The following ZDHHC18 variants were observed in gnomAD, a reference collection of about 807,000 sequenced individuals.
ZDHHC18 encodes zDHHC palmitoyltransferase 18.
Under a neutral mutation model 37.5 loss-of-function variants are expected in ZDHHC18, and 23 were observed. The observed-to-expected ratio is 0.61, with a 90% CI of 0.44 to 0.87. The LOEUF is 0.87. Ranked by LOEUF, ZDHHC18 falls within the 40% of genes least tolerant of loss-of-function variation. ZDHHC18 has a pLI of 0.00. For missense variants in ZDHHC18, 406 were observed against 525.6 expected (o/e 0.77, Z 2.22); for synonymous variants, 185 against 218.7 (o/e 0.85, Z 1.36).
Position 26,848,522 on chromosome 1 carries a change from C to T in ZDHHC18, c.497-86C>T, listed in dbSNP as rs1046419981. ...TACCCTGAGGCTTCTCCTGGACTGGCCAGGCAGCAGTAGCTTTCCCCTGCT... is the reference window on the plus strand; with the variant it reads ...TACCCTGAGGCTTCTCCTGGACTGGTCAGGCAGCAGTAGCTTTCCCCTGCT... On this transcript the variant is annotated intron_variant, in intron 2 of 7. Coordinates refer to ENST00000374142, the MANE Select transcript of ZDHHC18 (RefSeq NM_032283.3). The T allele has an allele frequency of 3.1e-5, 47 of 1,540,966 alleles. 1 individual carries two copies. In the South Asian group the frequency reaches 4.2e-4, roughly 14 times the overall value.
chr1:26,839,015 C>T (rs975886854), intron 2 of ZDHHC18, among the ~76,000 whole-genome samples: 2 of 152,246 alleles, frequency 1.3e-5, no homozygotes, highest in African/African-American at 4.8e-5. Context: ...GGGCAGAGGG[C>T]AGTCAGGGCC....
intron 2 of ZDHHC18, among the ~76,000 whole-genome samples, chr1:26,839,014 G>T (rs1372272894): frequency 6.6e-6 from 1 of 152,246 alleles, no homozygotes; most frequent in Non-Finnish European, 1.5e-5. Context: ...AGGGCAGAGG[G>T]CAGTCAGGGC....
At position 26,856,255 on chromosome 1, in the gene ZDHHC18, G is replaced by C; in HGVS notation, c.*2412G>C. The C allele has an allele frequency of 2.2e-6, 1 of 447,036 alleles. No homozygotes were observed. The highest frequency in any genetic ancestry group is 4.6e-6 in the Non-Finnish European group (1 of 219,346). 27.7% of individuals were successfully genotyped at this position (447,036 alleles called of 1,614,324 possible). On this transcript the variant is annotated 3_prime_UTR_variant, in exon 8 of 8. Transcript: ENST00000374142. This position sits in a 1 kb window ranked among gnomAD's most constrained non-coding sequence, Gnocchi z 5.2. ...GAGCTAACAGGCCTCTTTGCAGAGG[G>C]TTAGCTGGTAAGACCGTTTCTTCCC... is the stretch of plus-strand genomic sequence containing the variant.
At position 26,832,586 on chromosome 1, in the gene ZDHHC18, G is replaced by C; in HGVS notation, c.475G>C (p.Ala159Pro). ...GCCCCGGGCCACTGTCTGTGAAGCA[G>C]CCGCCCTGGAGAAACAGATCGGTGA... ...ILPRATVCEA[A>P]ALEKQIDNTG... is the part of the protein sequence containing the mutation. The change falls in exon 2 of 8, where the codon GCC becomes CCC. Residue 159 changes from alanine to proline, a missense_variant. Transcript: ENST00000374142. 1 of 1,614,160 alleles carries C rather than the reference G, an allele frequency of 6.2e-7. No homozygotes were observed. Among genetic ancestry groups the C allele is most frequent in the Non-Finnish European group, 8.5e-7 (1 of 1,179,994 alleles).
chr1:26,853,031 A>T (rs2081714705), intron 7 of ZDHHC18, 166 bp downstream of exon 7: 1 of 598,658 alleles, frequency 1.7e-6, no homozygotes, highest in Non-Finnish European at 2.9e-6. Flanking sequence ...ATTGTTATTT[A>T]ATCACGTGCT....
Position 26,851,340 on chromosome 1 carries a change from G to T in ZDHHC18, c.936+109G>T. ...ACAGTCCTGACTCACGGACTGCTGG[G>T]ATAATGCCTTTTAAGCAGCCAGATG... On this transcript the variant is annotated intron_variant, in intron 6 of 7. Coordinates refer to ENST00000374142, the MANE Select transcript of ZDHHC18 (RefSeq NM_032283.3). 6 of 1,071,960 alleles carry T rather than the reference G, an allele frequency of 5.6e-6. No individual in the cohort carries two copies. In the South Asian group the frequency reaches 6.5e-5, roughly 12 times the overall value. 66.4% of individuals were successfully genotyped at this position (1,071,960 alleles called of 1,614,324 possible).
At chr1:26,848,876 AG>A in intron 3 of ZDHHC18, 119 bp downstream of exon 3, 1 of 1,414,548 alleles carries the variant, frequency 7.1e-7, no homozygotes, top group Non-Finnish European at 9.5e-7. Flanking sequence ...AGGGCTGGGC[AG>A]GGGGTCTGGT....
Position 26,850,976 on chromosome 1 carries a change from A to G in ZDHHC18, c.834-153A>G, listed in dbSNP as rs556409852. ...ACCCTTCCGAGGGGCCCAGGAGGTG[A>G]TCCTGCTAAGAAGTGGGGACTGGGC... is the stretch of plus-strand genomic sequence containing the variant. On this transcript the variant is annotated intron_variant, in intron 5 of 7. Coordinates refer to ENST00000374142, the MANE Select transcript of ZDHHC18 (RefSeq NM_032283.3). This position sits in a 1 kb window ranked among gnomAD's most constrained non-coding sequence, Gnocchi z 6.1. 2.0e-5 allele frequency among the ~76,000 whole-genome samples: 3 copies of G among 152,220 alleles called. 1 individual carries two copies. In the South Asian group the frequency reaches 6.2e-4, roughly 32 times the overall value.
At chr1:26,829,287 C>T (rs548130845) in intron 1 of ZDHHC18, among the ~76,000 whole-genome samples, 3 of 152,260 alleles carry the variant, frequency 2.0e-5, no homozygotes, top group African/African-American at 7.2e-5. Flanking sequence ...GCAGGGCTCC[C>T]AACTTCTGCC....
chr1:26,851,866 G>T (rs980531808), intron 6 of ZDHHC18, among the ~76,000 whole-genome samples: 4 of 152,218 alleles, frequency 2.6e-5, no homozygotes, highest in African/African-American at 7.2e-5. Flanking sequence ...CTGCCACCCT[G>T]CAGACTGCCA....
intron 1 of ZDHHC18, among the ~76,000 whole-genome samples, chr1:26,828,910 A>G (rs1557639169): frequency 6.6e-6 from 1 of 152,146 alleles, no homozygotes; most frequent in Non-Finnish European, 1.5e-5. Context: ...AGGAAGCAGT[A>G]CTTGCCGTGG....
chr1:26,850,426 C>T lies in ZDHHC18; in HGVS notation c.772C>T (p.His258Tyr), dbSNP rs754744540. Residue 258 changes from histidine to tyrosine, a missense_variant, in exon 4 of 8, where the codon CAC becomes TAC. By Grantham distance (83) the His-to-Tyr change is moderately conservative. Coordinates refer to ENST00000374142, the MANE Select transcript of ZDHHC18 (RefSeq NM_032283.3). The surrounding 1 kb of genome is among the most constrained non-coding windows in gnomAD (Gnocchi z 6.1). Reference sequence around the variant, plus strand: ...CTTCATCTTCGCCTGTGTGGTCACCCACCTGACGTTGCGTGAGTTGTGGGT... The same window carrying T: ...CTTCATCTTCGCCTGTGTGGTCACCTACCTGACGTTGCGTGAGTTGTGGGT... ...TAFIFACVVT[H>Y]LTLRAQGSNF... The T allele has an allele frequency of 6.2e-7, 1 of 1,614,010 alleles. No homozygotes were observed. The highest frequency in any genetic ancestry group is 1.7e-5 in the Admixed American group (1 of 60,006).
chr1:26,826,912 G>GCCCGCGCCGCCCGCCGCC lies in ZDHHC18; in HGVS notation c.114_131dup (p.Ala41_Pro46dup). 1 of 993,482 alleles carries GCCCGCGCCGCCCGCCGCC rather than the reference G, an allele frequency of 1.0e-6. No individual in the cohort carries two copies. Among genetic ancestry groups the GCCCGCGCCGCCCGCCGCC allele is most frequent in the South Asian group, 4.5e-5 (1 of 22,194 alleles). The allele number at this position is 993,482 out of a possible 1,614,324, so 61.5% of individuals were successfully genotyped here. ...CCGCGTCCCCGACTCCGGGCCCCGGGCCCGCGCCGCCCGCCGCCCCCGCCC... is the reference window on the plus strand; with the variant it reads ...CCGCGTCCCCGACTCCGGGCCCCGGGCCCGCGCCGCCCGCCGCCCCCGCGCCGCCCGCCGCCCCCGCCC... On this transcript the variant is annotated inframe_insertion, in exon 1 of 8. Coordinates refer to ENST00000374142, the MANE Select transcript of ZDHHC18 (RefSeq NM_032283.3). This position sits in a 1 kb window ranked among gnomAD's most constrained non-coding sequence, Gnocchi z 5.2.
rs910670763 is a variant in ZDHHC18, at chr1:26,827,115, C to T, written c.311C>T (p.Thr104Ile). ...FALTLLLILT[T>I]TGLFFVFDCP... ...CTCACGCTGCTGCTCATCCTCACCA[C>T]CACCGGCCTCTTCTTCGTCTTTGAG... Residue 104 changes from threonine to isoleucine, a missense_variant, in exon 1 of 8, where the codon ACC becomes ATC. Physicochemically the swap from Thr to Ile is moderately conservative, Grantham distance 89. Transcript: ENST00000374142. The T allele has an allele frequency of 1.4e-6, 2 of 1,416,462 alleles. No individual in the cohort carries two copies. The highest frequency in any genetic ancestry group is 1.5e-5 in the African/African-American group (1 of 67,064). 87.7% of individuals were successfully genotyped at this position (1,416,462 alleles called of 1,614,324 possible).
At chr1:26,849,887 C>G (rs2081693250) in intron 3 of ZDHHC18, among the ~76,000 whole-genome samples, 1 of 152,184 alleles carries the variant, frequency 6.6e-6, no homozygotes, top group Non-Finnish European at 1.5e-5. Context: ...ACCAGCACAG[C>G]CCCCCTCGCC....
Position 26,850,471 on chromosome 1 carries a change from AG to A in ZDHHC18, c.784+37del, listed in dbSNP as rs753016144. On this transcript the variant is annotated intron_variant, in intron 4 of 7. Coordinates refer to ENST00000374142, the MANE Select transcript of ZDHHC18 (RefSeq NM_032283.3). This position sits in a 1 kb window ranked among gnomAD's most constrained non-coding sequence, Gnocchi z 6.1. ...GTGGGTGAGGGCAGTGGGGAGTGGA[AG>A]GGGTCAGCCAGCAAGCTCAAGGGTC... The A allele has an allele frequency of 4.3e-6, 7 of 1,614,088 alleles. No individual in the cohort carries two copies. In the South Asian group the frequency reaches 7.7e-5, roughly 18 times the overall value.
At chr1:26,827,241 T>TCCTCATCCTCCCCGCC (rs2081562430) in intron 1 of ZDHHC18, 102 bp downstream of exon 1, 2 of 982,792 alleles carry the variant, frequency 2.0e-6, no homozygotes, top group African/African-American at 3.5e-5. Flanking sequence ...GCCTCCCTGG[T>TCCTCATCCTCCCCGCC]CCTCATCCTC....
chr1:26,854,614 G>C lies in ZDHHC18; in HGVS notation c.*771G>C, dbSNP rs763761940. ...CCACTTCTCTCCCAAGCCAGGTCCC[G>C]GCATGGGTGGGTTATGCTCATGCTG... On this transcript the variant is annotated 3_prime_UTR_variant, in exon 8 of 8. Transcript: ENST00000374142. This position sits in a 1 kb window ranked among gnomAD's most constrained non-coding sequence, Gnocchi z 4.6. 6.6e-6 allele frequency: 1 copy of C among 152,614 alleles called. No individual in the cohort carries two copies. The highest frequency in any genetic ancestry group is 2.4e-5 in the African/African-American group (1 of 41,418). 9.5% of individuals were successfully genotyped at this position (152,614 alleles called of 1,614,324 possible). A position where few individuals can be genotyped will look rare whatever the true frequency, so the allele number is the denominator to read the frequency against.
chr1:26,834,306 T>C (rs1466246503), intron 2 of ZDHHC18, among the ~76,000 whole-genome samples: 1 of 152,124 alleles, frequency 6.6e-6, no homozygotes, highest in Non-Finnish European at 1.5e-5. Flanking sequence ...CCACAAATCT[T>C]CACAACAGCC....
Sources: gnomAD v4.1 joint callset for allele counts (sites outside exome capture counted in the v4.1 genomes callset) on GRCh38, gnomAD v4.1.1 for gene constraint, Gnocchi (gnomAD v3.1) non-coding constraint, MANE v1.5 for transcripts, NCBI Gene and HGNC (gene_info 2026-07-23, HGNC 2026-07-21) for gene names.